FCHSD2: variants seen among roughly 807,000 people sequenced by gnomAD.
The protein encoded by FCHSD2 is F-BAR and double SH3 domains protein 2.
In FCHSD2, 38 loss-of-function variants were observed where a neutral mutation model predicts 108.1. The observed-to-expected ratio is 0.35, with a 90% CI of 0.27 to 0.46. FCHSD2 has a LOEUF of 0.46. FCHSD2 is among the 20% of genes least tolerant of loss of function. The probability of loss-of-function intolerance (pLI) is 1.00; values close to 1 mark genes in which losing one functional copy is unlikely to be tolerated. For missense variants in FCHSD2, 751 were observed against 897.8 expected, an observed-to-expected ratio of 0.84 and a Z score of 2.09; for synonymous variants, 279 against 314.7, an observed-to-expected ratio of 0.89 and a Z score of 1.20.
intron 3 of FCHSD2, among the ~76,000 whole-genome samples, chr11:73,058,598 T>A (rs868458401): frequency 7.2e-6 from 1 of 138,572 alleles, no homozygotes; most frequent in Non-Finnish European, 1.6e-5. Context: ...TTCATTTTCC[T>A]TTTTTTTTTT....
At chr11:72,861,395 C>CAAA (rs34484683) in intron 13 of FCHSD2, among the ~76,000 whole-genome samples, 1 of 142,694 alleles carries the variant, frequency 7.0e-6, no homozygotes, top group African/African-American at 2.6e-5. Context: ...TAAAAACTTC[C>CAAA]AAAAAAAAAA....
intron 2 of FCHSD2, among the ~76,000 whole-genome samples, chr11:73,099,153 T>A (rs1352550740): frequency 2.6e-5 from 4 of 152,298 alleles, no homozygotes; most frequent in African/African-American, 9.6e-5. Context: ...CGTTCCAGGT[T>A]GCAGTAAGCT....
At chr11:73,072,312 T>C (rs1027059123) in intron 3 of FCHSD2, among the ~76,000 whole-genome samples, 1 of 151,970 alleles carries the variant, frequency 6.6e-6, no homozygotes, top group Admixed American at 6.6e-5. Context: ...CGAATAGCCA[T>C]GAAAAAGTGA....
At chr11:73,127,625 T>TA (rs1860889502) in intron 2 of FCHSD2, among the ~76,000 whole-genome samples, 1 of 152,158 alleles carries the variant, frequency 6.6e-6, no homozygotes, top group Non-Finnish European at 1.5e-5. Context: ...ACCATCAACT[T>TA]ACAGGCCTCC....
In FCHSD2 at chr11:72,889,953, A is replaced by G. The variant is rs1269292818; in HGVS notation, c.925-8T>C. 5 of 1,519,688 alleles carry G rather than the reference A, an allele frequency of 3.3e-6. No homozygotes were observed. In the African/African-American group the frequency reaches 5.5e-5, roughly 17 times the overall value. The allele number at this position is 1,519,688 out of a possible 1,614,324, so 94.1% of individuals were successfully genotyped here. ...TGATTCTAACTGTCGGCTCTACAAT[A>G]CAAGAGAGAACAGAGATAAAAATAT... On this transcript the variant is annotated splice_region_variant and splice_polypyrimidine_tract_variant and intron_variant, in intron 10 of 19. Transcript: ENST00000409418.
intron 2 of FCHSD2, among the ~76,000 whole-genome samples, chr11:73,132,627 A>C (rs1861028845): frequency 6.6e-6 from 1 of 152,110 alleles, no homozygotes; most frequent in South Asian, 2.1e-4. Flanking sequence ...GTTTGAGACC[A>C]GCCTGGACAA....
At chr11:73,104,698 A>C (rs1860300027) in intron 2 of FCHSD2, among the ~76,000 whole-genome samples, 1 of 152,062 alleles carries the variant, frequency 6.6e-6, no homozygotes, top group African/African-American at 2.4e-5. Context: ...CCTCCCAAGT[A>C]GCTGGGACCA....
chr11:73,039,937 G>T (rs1858594126), intron 3 of FCHSD2, among the ~76,000 whole-genome samples: 2 of 151,726 alleles, frequency 1.3e-5, no homozygotes, highest in African/African-American at 4.8e-5. Flanking sequence ...TATCACAAAA[G>T]CAGTTATAAA....
chr11:72,879,697 T>C (rs770773452), intron 12 of FCHSD2, among the ~76,000 whole-genome samples: 36 of 152,138 alleles, frequency 2.4e-4, no homozygotes, highest in Non-Finnish European at 1.5e-5. Context: ...ACACTAATAA[T>C]AACTCATCAA....
chr11:72,985,692 A>ACT (rs3039677), intron 6 of FCHSD2, among the ~76,000 whole-genome samples: 151,097 of 152,278 alleles, frequency 0.99, 74,979 homozygotes, highest in Middle Eastern at 1. Context: ...AAGTCCTGGG[A>ACT]CTCTGCCCTG....
chr11:73,049,684 TAAAAAA>T (rs557262661), intron 3 of FCHSD2, among the ~76,000 whole-genome samples: 2 of 75,674 alleles, frequency 2.6e-5, no homozygotes, highest in South Asian at 4.4e-4. Flanking sequence ...TAGAGTATAA[TAAAAAA>T]AAAAAAAAAA....
intron 2 of FCHSD2, among the ~76,000 whole-genome samples, chr11:73,138,612 T>C (rs896483404): frequency 2.1e-4 from 31 of 150,338 alleles, no homozygotes; most frequent in African/African-American, 7.3e-4. Flanking sequence ...GAATTTTTTT[T>C]TTTTTTTTTT....
At chr11:72,935,484 G>A (rs1856282344) in intron 8 of FCHSD2, among the ~76,000 whole-genome samples, 1 of 152,200 alleles carries the variant, frequency 6.6e-6, no homozygotes. Context: ...GATGATAAAT[G>A]TGAGTTGTCT....
chr11:73,020,061 A>G (rs931967420), intron 3 of FCHSD2, among the ~76,000 whole-genome samples: 5 of 152,194 alleles, frequency 3.3e-5, no homozygotes, highest in Non-Finnish European at 5.9e-5. Context: ...TTCACTTTAG[A>G]GCAGTGGCTT....
intron 12 of FCHSD2, among the ~76,000 whole-genome samples, chr11:72,868,513 A>G (rs1251479277): frequency 6.6e-6 from 1 of 152,072 alleles, no homozygotes; most frequent in African/African-American, 2.4e-5. Flanking sequence ...CTGCACACGT[A>G]TCCGGGAACT....
chr11:72,900,151 A>T, intron 10 of FCHSD2: 1 of 659,602 alleles, frequency 1.5e-6, no homozygotes, highest in Non-Finnish European at 2.6e-6. Context: ...AGGGCCTCTT[A>T]TACATGTATA....
chr11:73,136,073 T>C (rs1214678556), intron 2 of FCHSD2, among the ~76,000 whole-genome samples: 1 of 149,854 alleles, frequency 6.7e-6, no homozygotes, highest in Non-Finnish European at 1.5e-5. Flanking sequence ...GGCAGAAGGA[T>C]CACCTGAACC....
At chr11:72,897,000 G>A (rs1262106839) in intron 10 of FCHSD2, among the ~76,000 whole-genome samples, 1 of 151,746 alleles carries the variant, frequency 6.6e-6, no homozygotes, top group Non-Finnish European at 1.5e-5. Flanking sequence ...CTAATTTTTT[G>A]TATTTTTAGT....
chr11:72,957,804 T>C (rs2135367214), intron 8 of FCHSD2, among the ~76,000 whole-genome samples: 1 of 152,224 alleles, frequency 6.6e-6, no homozygotes, highest in Admixed American at 6.5e-5. Context: ...TGATAATGGA[T>C]ATAGATATTT....
Sources: allele counts gnomAD v4.1 joint callset (sites outside exome capture counted in the v4.1 genomes callset), GRCh38; gene constraint gnomAD v4.1.1; transcripts MANE v1.5; gene names NCBI Gene and HGNC (gene_info 2026-07-23, HGNC 2026-07-21).